Variants in SLC24A2 observed in about 807,000 individuals in gnomAD.
The protein encoded by SLC24A2 is sodium/potassium/calcium exchanger 2.
In SLC24A2, 36 loss-of-function variants were observed where a neutral mutation model predicts 62.0. That is an observed-to-expected ratio of 0.58 (90% CI 0.44 to 0.77). SLC24A2 has a LOEUF of 0.77. Ranked by LOEUF, SLC24A2 falls within the 30% of genes least tolerant of loss-of-function variation. The pLI, the probability that SLC24A2 is intolerant of heterozygous loss-of-function variation, is 0.00. For synonymous variants in SLC24A2, 358 were observed against 294.0 expected (o/e 1.22, Z -2.23); for missense variants, 846 against 817.9 (o/e 1.03, Z -0.42).
chr9:20,227,002 A>T, the SLC24A2 span, among the ~76,000 whole-genome samples: 1 of 152,176 alleles, frequency 6.6e-6, no homozygotes, highest in African/African-American at 2.4e-5. Context: ...TGTCCGTCCC[A>T]AATCCTTTCT....
chr9:19,707,568 G>T (rs988652779), intron 2 of SLC24A2, among the ~76,000 whole-genome samples: 227 of 152,290 alleles, frequency 1.5e-3, no homozygotes, highest in Non-Finnish European at 2.9e-3. Flanking sequence ...GATCAAGTGG[G>T]CTTCATCCCT....
At position 19,560,940 on chromosome 9, in the gene SLC24A2, G is replaced by GACAGACAGAC. The variant is rs60637938; in HGVS notation, c.1348-10673_1348-10672insGTCTGTCTGT. Among the ~76,000 whole-genome samples, 258 of 130,966 alleles carry GACAGACAGAC rather than the reference G, an allele frequency of 2.0e-3. 1 individual carries two copies. Among genetic ancestry groups the GACAGACAGAC allele is most frequent in the African/African-American group, 6.7e-3 (241 of 35,946 alleles). 85.9% of individuals were successfully genotyped at this position (130,966 alleles called of 152,430 possible). A position where few individuals can be genotyped will look rare whatever the true frequency, so the allele number is the denominator to read the frequency against. ...ATAGAGAGAGAGAGAGAGAGAGAGA[G>GACAGACAGAC]AGAGAGACAGAGTCTTACTCTGTCA... On this transcript the variant is annotated intron_variant, in intron 7 of 10. Coordinates refer to ENST00000341998, the MANE Select transcript of SLC24A2 (RefSeq NM_020344.4).
the SLC24A2 span, among the ~76,000 whole-genome samples, chr9:20,090,347 C>T: frequency 1.3e-5 from 2 of 152,156 alleles, 1 homozygote; most frequent in South Asian, 4.1e-4. Context: ...GCACATAAGC[C>T]CTGAGATCAC....
the SLC24A2 span, among the ~76,000 whole-genome samples, chr9:20,105,994 A>G: frequency 6.6e-6 from 1 of 152,248 alleles, no homozygotes; most frequent in Admixed American, 6.5e-5. Flanking sequence ...AAATAGACGC[A>G]ATAAAAAATG....
the SLC24A2 span, among the ~76,000 whole-genome samples, chr9:19,909,390 G>C: frequency 1.3e-5 from 2 of 152,106 alleles, no homozygotes; most frequent in Non-Finnish European, 2.9e-5. Flanking sequence ...TAAATGACGA[G>C]TTAATGGGTG....
the SLC24A2 span, among the ~76,000 whole-genome samples, chr9:20,216,907 G>A: frequency 1.3e-5 from 2 of 152,120 alleles, no homozygotes; most frequent in East Asian, 3.8e-4. Flanking sequence ...AATTAAATGT[G>A]TCTTAAACTT....
the SLC24A2 span, among the ~76,000 whole-genome samples, chr9:19,828,317 T>C: frequency 6.6e-6 from 1 of 152,166 alleles, no homozygotes; most frequent in Non-Finnish European, 1.5e-5. Context: ...AAATGGTACA[T>C]GATTAAGGTG....
At chr9:20,263,510 A>G in the SLC24A2 span, among the ~76,000 whole-genome samples, 1,732 of 152,238 alleles carry the variant, frequency 0.011, 17 homozygotes, top group Non-Finnish European at 0.02. Flanking sequence ...CGGCCCCCCA[A>G]AAGCGTTAAG....
chr9:19,608,726 C>A (rs1837058783), intron 4 of SLC24A2, among the ~76,000 whole-genome samples: 1 of 151,900 alleles, frequency 6.6e-6, no homozygotes, highest in African/African-American at 2.4e-5. Flanking sequence ...TCCTTCTCTA[C>A]CATCTCTGAG....
chr9:19,520,653 C>A (rs1833151433), intron 10 of SLC24A2, among the ~76,000 whole-genome samples: 1 of 151,502 alleles, frequency 6.6e-6, no homozygotes, highest in Non-Finnish European at 1.5e-5. Context: ...CCTAAAATAC[C>A]CATTCTGTAT....
chr9:19,544,232 G>A (rs4977551), intron 8 of SLC24A2, among the ~76,000 whole-genome samples: 126,647 of 147,384 alleles, frequency 0.86, 54,597 homozygotes, highest in East Asian at 1. Context: ...CTGTTTTGTC[G>A]GAGACTAGGA....
At chr9:19,886,936 G>C in the SLC24A2 span, among the ~76,000 whole-genome samples, 3 of 152,098 alleles carry the variant, frequency 2.0e-5, no homozygotes, top group Admixed American at 6.5e-5. Flanking sequence ...ATTATACTCA[G>C]CAAACTAACG....
chr9:20,295,202 T>A, the SLC24A2 span, among the ~76,000 whole-genome samples: 1 of 151,982 alleles, frequency 6.6e-6, no homozygotes, highest in Non-Finnish European at 1.5e-5. Context: ...AAATCCCTAA[T>A]CTCTAAAATC....
At chr9:19,990,309 C>T in the SLC24A2 span, among the ~76,000 whole-genome samples, 8 of 152,014 alleles carry the variant, frequency 5.3e-5, no homozygotes, top group South Asian at 2.1e-4. Flanking sequence ...TGGTCACCTA[C>T]GGTCAGAAGA....
intron 5 of SLC24A2, among the ~76,000 whole-genome samples, chr9:19,592,621 T>C (rs2132889164): frequency 6.6e-6 from 1 of 152,274 alleles, no homozygotes; most frequent in South Asian, 2.1e-4. Context: ...TATACTGCCA[T>C]TGGTGGAAAG....
the SLC24A2 span, among the ~76,000 whole-genome samples, chr9:19,850,924 C>T: frequency 8.7e-6 from 1 of 115,564 alleles, no homozygotes; most frequent in Non-Finnish European, 1.7e-5. Context: ...TACAAGTACT[C>T]ATGTGGGCAT....
At chr9:20,167,818 C>G in the SLC24A2 span, among the ~76,000 whole-genome samples, 1 of 151,848 alleles carries the variant, frequency 6.6e-6, no homozygotes, top group Non-Finnish European at 1.5e-5. Context: ...TTTTTGGCCT[C>G]AAGCAATCCT....
At chr9:19,895,784 T>G in the SLC24A2 span, 1 of 1,580,934 alleles carries the variant, frequency 6.3e-7, no homozygotes, top group Non-Finnish European at 8.6e-7. Flanking sequence ...CCTCATGCGG[T>G]GGCCTGTGCC....
At chr9:19,704,897 C>T (rs1007444125) in intron 2 of SLC24A2, among the ~76,000 whole-genome samples, 4 of 150,936 alleles carry the variant, frequency 2.7e-5, no homozygotes, top group Non-Finnish European at 2.9e-5. Context: ...TGAAACAGAT[C>T]GGTTTCCCTT....
Sources: allele counts gnomAD v4.1 joint callset (sites outside exome capture counted in the v4.1 genomes callset), GRCh38; gene constraint gnomAD v4.1.1; transcripts MANE v1.5; gene names NCBI Gene and HGNC (gene_info 2026-07-23, HGNC 2026-07-21).